RARB: variants seen among roughly 807,000 people sequenced by gnomAD.
The protein encoded by RARB is retinoic acid receptor beta.
RARB carries 17 observed loss-of-function variants against 51.9 expected under a neutral mutation model. That is an observed-to-expected ratio of 0.33 (90% CI 0.22 to 0.49). The LOEUF is 0.49. RARB is among the 20% of genes least tolerant of loss of function. RARB has a pLI of 0.99. For synonymous variants in RARB, 215 were observed against 195.4 expected (o/e 1.10, Z -0.84); for missense variants, 369 against 550.8 (o/e 0.67, Z 3.30).
intron 2 of RARB, among the ~76,000 whole-genome samples, chr3:25,008,097 T>A (rs935448049): frequency 2.0e-5 from 3 of 152,178 alleles, no homozygotes; most frequent in Non-Finnish European, 2.9e-5. Context: ...ATATTAGTAT[T>A]TGTAGCTCTT....
intron 5 of RARB, among the ~76,000 whole-genome samples, chr3:25,308,198 G>C (rs1488235141): frequency 1.3e-5 from 2 of 152,142 alleles, no homozygotes; most frequent in Admixed American, 1.3e-4. Flanking sequence ...GCTGATGTTT[G>C]ATTATCACAA....
At chr3:25,210,941 C>A (rs971833190) in intron 5 of RARB, among the ~76,000 whole-genome samples, 1 of 152,086 alleles carries the variant, frequency 6.6e-6, no homozygotes, top group East Asian at 1.9e-4. Context: ...TTCTTCTGGT[C>A]CAGACACTTA....
chr3:25,298,535 G>T (rs1703969375), intron 5 of RARB, among the ~76,000 whole-genome samples: 1 of 152,166 alleles, frequency 6.6e-6, no homozygotes, highest in South Asian at 2.1e-4. Context: ...GTGTGTCTGT[G>T]TTTCAGAATC....
chr3:25,541,009 A>G (rs1699356535), intron 3 of RARB, among the ~76,000 whole-genome samples: 1 of 152,200 alleles, frequency 6.6e-6, no homozygotes, highest in South Asian at 2.1e-4. Flanking sequence ...ATCAGGGGTC[A>G]GTAAACTGTG....
chr3:25,260,693 C>T (rs1337881420), intron 5 of RARB, among the ~76,000 whole-genome samples: 1 of 152,126 alleles, frequency 6.6e-6, no homozygotes, highest in Non-Finnish European at 1.5e-5. Flanking sequence ...TCATCTGCAG[C>T]CGCCTGTGTT....
Position 25,388,291 on chromosome 3 carries a change from A to G in RARB, c.179-72902A>G, listed in dbSNP as rs532639840. ...CAAAGACATATGGTTTTGAAAAATT[A>G]GGCATTTAATTTCTAAAGATTTATT... On this transcript the variant is annotated intron_variant, in intron 5 of 11. Transcript: ENST00000383772. 9.8e-5 allele frequency among the ~76,000 whole-genome samples: 15 copies of G among 152,352 alleles called. No individual in the cohort carries two copies. The South Asian group carries it at 2.9e-3, about 29-fold the overall frequency.
intron 2 of RARB, among the ~76,000 whole-genome samples, chr3:25,054,296 A>G (rs147085817): frequency 1.6e-4 from 24 of 152,190 alleles, no homozygotes; most frequent in African/African-American, 5.8e-4. Context: ...AAATAGATGA[A>G]TGGCTTGTTA....
intron 4 of RARB, among the ~76,000 whole-genome samples, chr3:25,141,422 C>T (rs1700104592): frequency 6.6e-6 from 1 of 152,088 alleles, no homozygotes; most frequent in South Asian, 2.1e-4. Flanking sequence ...TGGGCTGACC[C>T]AATTTACCAC....
chr3:24,946,978 C>G (rs11922530), intron 2 of RARB, among the ~76,000 whole-genome samples: 1 of 152,122 alleles, frequency 6.6e-6, no homozygotes, highest in Admixed American at 6.5e-5. Flanking sequence ...ATTGAAAAGA[C>G]ATGCTGAATT....
At chr3:24,992,106 C>G (rs1280046448) in intron 2 of RARB, among the ~76,000 whole-genome samples, 1 of 152,174 alleles carries the variant, frequency 6.6e-6, no homozygotes, top group Non-Finnish European at 1.5e-5. Flanking sequence ...CCTTGACTTG[C>G]TCCTCCATAC....
chr3:24,879,255 C>T lies in RARB; in HGVS notation c.-380+20503C>T, dbSNP rs75470526. On this transcript the variant is annotated intron_variant, in intron 2 of 11. Transcript: ENST00000383772. ...CCATCCTGGCTAACACAGTGAAACC[C>T]CATCTCTACTAAAAATACAAAAAAT... 8.9e-3 allele frequency among the ~76,000 whole-genome samples: 1,351 copies of T among 151,870 alleles called. 65 individuals carry two copies. In the East Asian group the frequency reaches 0.15, roughly 16 times the overall value.
rs530744900 is a variant in RARB at position 25,124,335 on chromosome 3, C to T, written c.-327-7826C>T. Among the ~76,000 whole-genome samples, 15 of 152,296 alleles carry T rather than the reference C, an allele frequency of 9.8e-5. No homozygotes were observed. In the South Asian group the frequency reaches 3.1e-3, roughly 32 times the overall value. On this transcript the variant is annotated intron_variant, in intron 3 of 11. Coordinates refer to the RARB transcript ENST00000383772. ...GTTGCAGAGAGCCAAGATCATGCCACTGCATTTCAGCCTGAGTGACAGACT... is the reference window on the plus strand; with the variant it reads ...GTTGCAGAGAGCCAAGATCATGCCATTGCATTTCAGCCTGAGTGACAGACT...
intron 3 of RARB, among the ~76,000 whole-genome samples, chr3:25,124,632 C>T (rs1349803393): frequency 6.6e-6 from 1 of 152,198 alleles, no homozygotes; most frequent in East Asian, 1.9e-4. Flanking sequence ...CTAAATATTT[C>T]TTCAAACCTT....
Position 25,189,237 on chromosome 3 carries a change from C to T in RARB, c.178+14662C>T, listed in dbSNP as rs1701043571. 2.0e-5 allele frequency among the ~76,000 whole-genome samples: 3 copies of T among 152,184 alleles called. No homozygotes were observed. In the South Asian group the frequency reaches 6.2e-4, roughly 31 times the overall value. On this transcript the variant is annotated intron_variant, in intron 5 of 11. Coordinates refer to the RARB transcript ENST00000383772. ...GCAGGTCCCTGCAGGGGTCCAAACC[C>T]TGTCTCCAGGTACATCGCTCTCTGA... is the stretch of plus-strand genomic sequence containing the variant.
At chr3:24,910,651 T>G (rs991762185) in intron 2 of RARB, among the ~76,000 whole-genome samples, 5 of 152,332 alleles carry the variant, frequency 3.3e-5, no homozygotes, top group African/African-American at 1.2e-4. Flanking sequence ...TTTCTCAATA[T>G]TGAATTTGGA....
intron 5 of RARB, among the ~76,000 whole-genome samples, chr3:25,213,905 C>G (rs1291190544): frequency 2.0e-5 from 3 of 152,200 alleles, no homozygotes; most frequent in Admixed American, 6.5e-5. Context: ...TCATTTCCCA[C>G]TATAATCTGC....
At position 25,357,729 on chromosome 3, in the gene RARB, T is replaced by C. The variant is rs150353482; in HGVS notation, c.179-103464T>C. 1.4e-3 allele frequency among the ~76,000 whole-genome samples: 214 copies of C among 152,354 alleles called. 6 individuals are homozygous for C. The East Asian group carries it at 0.038, about 27-fold the overall frequency. On this transcript the variant is annotated intron_variant, in intron 5 of 11. Coordinates refer to the RARB transcript ENST00000383772. ...GGGTGCAGTTTCAGTTTTCTGCATA[T>C]GGCTAGCCAGTTTTCCCAACAATGC...
intron 5 of RARB, among the ~76,000 whole-genome samples, chr3:25,228,004 G>A (rs1702092655): frequency 6.6e-6 from 1 of 152,048 alleles, no homozygotes; most frequent in Non-Finnish European, 1.5e-5. Flanking sequence ...GTGGAAGTTT[G>A]AGGCCAGCCT....
intron 4 of RARB, among the ~76,000 whole-genome samples, chr3:25,154,848 A>G (rs1471057638): frequency 6.6e-6 from 1 of 152,142 alleles, no homozygotes; most frequent in East Asian, 1.9e-4. Context: ...ACCTACCTAC[A>G]TCTGAGCATG....
Sources: allele counts gnomAD v4.1 joint callset (sites outside exome capture counted in the v4.1 genomes callset), GRCh38; gene constraint gnomAD v4.1.1; transcripts MANE v1.5; gene names NCBI Gene and HGNC (gene_info 2026-07-23, HGNC 2026-07-21).